RBSN: variants seen among roughly 807,000 people sequenced by gnomAD.
RBSN encodes rabenosyn-5.
A neutral mutation model predicts 60.5 loss-of-function variants in RBSN; 34 were observed. That is an observed-to-expected ratio of 0.56 (90% confidence interval 0.43 to 0.75). The LOEUF (loss-of-function observed/expected upper bound fraction) is 0.75, where lower values mean the gene tolerates loss of function less well. Ranked by LOEUF, RBSN falls within the 30% of genes least tolerant of loss-of-function variation. The pLI is 0.00. For missense variants in RBSN, 845 were observed against 986.8 expected (o/e 0.86, Z 1.92); for synonymous variants, 322 against 366.9 (o/e 0.88, Z 1.40).
chr3:15,085,130 T>C (rs1031694545), intron 6 of RBSN, 85 bp from the exon 7 acceptor site: 5 of 1,491,404 alleles, frequency 3.4e-6, no homozygotes, highest in Non-Finnish European at 4.6e-6. Context: ...AGTGGGAAAT[T>C]AGCACATTTG....
intron 2 of RBSN, among the ~76,000 whole-genome samples, chr3:15,096,964 A>G (rs1031703524): frequency 6.6e-6 from 1 of 152,128 alleles, no homozygotes. Flanking sequence ...GGTTCAAGTG[A>G]TCCTCCTGCC....
At chr3:15,093,899 G>A (rs1355062531) in intron 4 of RBSN, among the ~76,000 whole-genome samples, 3 of 151,464 alleles carry the variant, frequency 2.0e-5, no homozygotes, top group South Asian at 4.2e-4. Flanking sequence ...TTTTTGGACA[G>A]GATCTATGTT....
chr3:15,075,522 C>T (rs1314336244), intron 13 of RBSN, 84 bp downstream of exon 13: 18 of 1,085,386 alleles, frequency 1.7e-5, no homozygotes, highest in Middle Eastern at 2.0e-4. Flanking sequence ...TCACTACAAC[C>T]GCACACAACC....
intron 5 of RBSN, among the ~76,000 whole-genome samples, 155 bp downstream of exon 5, chr3:15,090,239 GTTCTC>G (rs1389187243): frequency 6.6e-6 from 1 of 152,188 alleles, no homozygotes; most frequent in Non-Finnish European, 1.5e-5. Context: ...TGCTCAGCTG[GTTCTC>G]TTCCATTTTC....
rs2043293430 is a variant in RBSN, at chr3:15,084,728, C to T, written c.598+7G>A. The stretch of plus-strand genomic sequence containing the variant: ...AGGGTCCAGGGCCCCACCTCCAAGT[C>T]ACCTACTTGCCAAGGGAAGGCTGAT... On this transcript the variant is annotated splice_region_variant and intron_variant, in intron 8 of 13. Coordinates refer to ENST00000253699, the MANE Select transcript of RBSN (RefSeq NM_022340.4). The surrounding 1 kb of genome is among the most constrained non-coding windows in gnomAD (Gnocchi z 4.2). 1 of 1,580,604 alleles carries T rather than the reference C, an allele frequency of 6.3e-7. No homozygotes were observed. The highest frequency in any genetic ancestry group is 1.9e-5 in the Admixed American group (1 of 53,750).
At chr3:15,086,027 T>C in intron 5 of RBSN, 66 bp from the exon 6 acceptor site, 1 of 1,306,770 alleles carries the variant, frequency 7.7e-7, no homozygotes, top group Non-Finnish European at 1.1e-6. Flanking sequence ...AGTCTCTACC[T>C]TGCCTCTTAT....
chr3:15,089,944 T>C (rs1236704323), intron 5 of RBSN, among the ~76,000 whole-genome samples: 2 of 152,148 alleles, frequency 1.3e-5, no homozygotes, highest in African/African-American at 4.8e-5. Context: ...GTTAGAGAAT[T>C]TTTATCATCC....
intron 5 of RBSN, among the ~76,000 whole-genome samples, chr3:15,089,918 AATC>A (rs1365478909): frequency 6.6e-6 from 1 of 152,210 alleles, no homozygotes; most frequent in East Asian, 1.9e-4. Flanking sequence ...AGAGTTGTAC[AATC>A]ATCATAATAA....
rs769999609 is a variant in RBSN at position 15,077,048 on chromosome 3, C to G, written c.1101+14G>C. On this transcript the variant is annotated intron_variant, in intron 12 of 13. Transcript: ENST00000253699. This position sits in a 1 kb window ranked among gnomAD's most constrained non-coding sequence, Gnocchi z 4.4. ...GCCAAGTGCAACATTTATGCCAACC[C>G]AGGATGGCTTTACCTGCACAAAAAG... is the stretch of plus-strand genomic sequence containing the variant. The G allele has an allele frequency of 5.0e-6, 8 of 1,612,992 alleles. No individual in the cohort carries two copies. The South Asian group carries it at 7.7e-5, about 16-fold the overall frequency.
At chr3:15,080,244 G>A (rs1375867935) in intron 10 of RBSN, among the ~76,000 whole-genome samples, 15 of 148,166 alleles carry the variant, frequency 1.0e-4, no homozygotes, top group Admixed American at 9.4e-4. Flanking sequence ...ACTCCGTCTC[G>A]GAAAAAAAAA....
chr3:15,078,264 T>G, intron 10 of RBSN, 103 bp from the exon 11 acceptor site: 1 of 917,906 alleles, frequency 1.1e-6, no homozygotes, highest in Non-Finnish European at 1.8e-6. Context: ...AGGCAGTTAA[T>G]TCTCTAAAGG....
At position 15,071,248 on chromosome 3, in the gene RBSN, A is replaced by C. The variant is rs2042920431; in HGVS notation, c.*2534T>G. On this transcript the variant is annotated 3_prime_UTR_variant, in exon 14 of 14. Coordinates refer to ENST00000253699, the MANE Select transcript of RBSN (RefSeq NM_022340.4). ...GTTTAGTGAATTAGTCTTAATCAAA[A>C]TCACTAGCTAATTAAAAGAGAAATG... The C allele has an allele frequency of 6.6e-6, 1 of 152,254 alleles. No individual in the cohort carries two copies. Among genetic ancestry groups the C allele is most frequent in the Non-Finnish European group, 1.5e-5 (1 of 68,048 alleles). 9.4% of individuals were successfully genotyped at this position (152,254 alleles called of 1,614,324 possible).
intron 6 of RBSN, 29 bp downstream of exon 6, chr3:15,085,832 A>T: frequency 6.4e-7 from 1 of 1,566,938 alleles, no homozygotes; most frequent in Non-Finnish European, 8.8e-7. Flanking sequence ...TATTTGTAGA[A>T]AAAAATGTTT....
At chr3:15,091,628 A>T (rs1575106739) in intron 4 of RBSN, 1 of 508,096 alleles carries the variant, frequency 2.0e-6, no homozygotes, top group East Asian at 9.8e-5. Context: ...TTACAATGTT[A>T]TAAGGCAGGT....
intron 4 of RBSN, among the ~76,000 whole-genome samples, chr3:15,095,180 A>AGG (rs1441047343): frequency 6.6e-6 from 1 of 151,080 alleles, no homozygotes; most frequent in Admixed American, 6.6e-5. Context: ...ACGCCCGGCT[A>AGG]GTTGTTTTTT....
At position 15,082,591 on chromosome 3, in the gene RBSN, T is replaced by C; in HGVS notation, c.616A>G (p.Ser206Gly). The C allele has an allele frequency of 1.2e-6, 2 of 1,614,086 alleles. No homozygotes were observed. The highest frequency in any genetic ancestry group is 1.7e-6 in the Non-Finnish European group (2 of 1,179,980). ...GTGTGGGTGCTCAGGGACTCCTTGC[T>C]GGCACTGGTGAGCTTGTCTGTAACC... Reference protein sequence around the residue: ...LPLANKLTSASKESLSTHTSP... With the variant: ...LPLANKLTSAGKESLSTHTSP... The change falls in exon 9 of 14, where the codon AGC becomes GGC. Residue 206 changes from serine to glycine, a missense_variant. Coordinates refer to ENST00000253699, the MANE Select transcript of RBSN (RefSeq NM_022340.4). The surrounding 1 kb of genome is among the most constrained non-coding windows in gnomAD (Gnocchi z 4.2).
intron 13 of RBSN, 165 bp from the exon 14 acceptor site, chr3:15,075,095 A>G: frequency 1.2e-6 from 1 of 839,506 alleles, no homozygotes; most frequent in East Asian, 2.7e-5. Flanking sequence ...GTTTTTGTGT[A>G]TATGTGGGCG....
At chr3:15,098,740 T>C (rs967364704) in intron 1 of RBSN, among the ~76,000 whole-genome samples, 1 of 151,970 alleles carries the variant, frequency 6.6e-6, no homozygotes, top group African/African-American at 2.4e-5. Flanking sequence ...GAACTCAGAA[T>C]ACAAACGCTT....
At chr3:15,098,598 C>CCA (rs1365682317) in intron 1 of RBSN, among the ~76,000 whole-genome samples, 2 of 152,114 alleles carry the variant, frequency 1.3e-5, no homozygotes, top group Non-Finnish European at 2.9e-5. Context: ...CAACCACAAC[C>CCA]CACATAACTA....
Sources: allele counts gnomAD v4.1 joint callset (sites outside exome capture counted in the v4.1 genomes callset), GRCh38; gene constraint gnomAD v4.1.1; non-coding constraint Gnocchi (gnomAD v3.1); transcripts MANE v1.5; gene names NCBI Gene and HGNC (gene_info 2026-07-23, HGNC 2026-07-21).